HOPX: variants seen among roughly 807,000 people sequenced by gnomAD.
The protein encoded by HOPX is homeodomain-only protein.
Under a neutral mutation model 11.8 loss-of-function variants are expected in HOPX, and 5 were observed. The ratio of observed to expected loss-of-function variants is 0.43; its 90% CI spans 0.22 to 0.89. HOPX has a LOEUF of 0.89. Among genes scored for constraint, HOPX ranks in the 40% least tolerant of loss-of-function variants. HOPX has a pLI of 0.28. For synonymous variants in HOPX, 49 were observed against 49.7 expected (o/e 0.99, Z 0.06); for missense variants, 119 against 120.0 (o/e 0.99, Z 0.04).
At chr4:56,655,476 C>A (rs1232347634) in intron 3 of HOPX, among the ~76,000 whole-genome samples, 1 of 152,166 alleles carries the variant, frequency 6.6e-6, no homozygotes. Flanking sequence ...GCAGACAGAC[C>A]AGAGGGGACC....
At chr4:56,670,420 A>G (rs1718673545) in intron 1 of HOPX, among the ~76,000 whole-genome samples, 2 of 152,238 alleles carry the variant, frequency 1.3e-5, no homozygotes, top group African/African-American at 4.8e-5. Flanking sequence ...AATGTGTACT[A>G]CTAAGCTTGG....
At chr4:56,677,298 T>A (rs1719068689) in intron 1 of HOPX, among the ~76,000 whole-genome samples, 1 of 151,746 alleles carries the variant, frequency 6.6e-6, no homozygotes, top group Non-Finnish European at 1.5e-5. Context: ...AAAATTATAC[T>A]GAAAACCCAC....
At chr4:56,665,394 C>T (rs1343640502) in intron 1 of HOPX, 1 of 152,204 alleles carries the variant, frequency 6.6e-6, no homozygotes, top group East Asian at 1.9e-4. Context: ...TTAATATGTG[C>T]TCATTGGATG....
At position 56,670,611 on chromosome 4, in the gene HOPX, C is replaced by T. The variant is rs955790352; in HGVS notation, c.-84+10644G>A. 7.9e-5 allele frequency among the ~76,000 whole-genome samples: 12 copies of T among 152,082 alleles called. No individual in the cohort carries two copies. In the South Asian group the frequency reaches 1.0e-3, roughly 13 times the overall value. On this transcript the variant is annotated intron_variant, in intron 1 of 3. Coordinates refer to ENST00000420433, the MANE Select transcript of HOPX (RefSeq NM_032495.6). The stretch of plus-strand genomic sequence containing the variant: ...ATTAATTAGATTAATTAGGTCAATA[C>T]GCTGAAGGATAGAGAGATGTATTTG...
At chr4:56,669,321 T>C (rs1343028345) in intron 1 of HOPX, among the ~76,000 whole-genome samples, 1 of 152,206 alleles carries the variant, frequency 6.6e-6, no homozygotes, top group African/African-American at 2.4e-5. Context: ...AGCTTCTTAG[T>C]ATTCAACCTG....
intron 3 of HOPX, chr4:56,650,938 G>T: frequency 1.1e-6 from 1 of 903,876 alleles, no homozygotes; most frequent in Non-Finnish European, 1.6e-6. Flanking sequence ...TCTGGTATGA[G>T]AGCAGCAAGG....
Position 56,672,432 on chromosome 4 carries a change from T to G in HOPX, c.-84+8823A>C, listed in dbSNP as rs530071816. On this transcript the variant is annotated intron_variant, in intron 1 of 3. Transcript: ENST00000420433. ...CACACGCCTGTAATCCCAGCTGCTC[T>G]GGATGCTGAGGGACAAGAATCGCTT... 2.9e-3 allele frequency among the ~76,000 whole-genome samples: 442 copies of G among 151,506 alleles called. 6 individuals are homozygous for G. The highest frequency in any genetic ancestry group is 0.01 in the African/African-American group (418 of 41,154).
At chr4:56,676,620 T>A (rs2109553989) in intron 1 of HOPX, 1 of 151,540 alleles carries the variant, frequency 6.6e-6, no homozygotes, top group Non-Finnish European at 1.5e-5. Flanking sequence ...AGTAGGGGCA[T>A]TAAACTGGTG....
rs147269120 is a variant in HOPX at position 56,678,112 on chromosome 4, T to C, written c.-84+3143A>G. ...GCATGTCTGGGTTCCAAGGATTCGC[T>C]TGGAAGGTGCTGGATACCCTATCCT... On this transcript the variant is annotated intron_variant, in intron 1 of 3. Transcript: ENST00000420433. Among the ~76,000 whole-genome samples, 154 of 151,742 alleles carry C rather than the reference T, an allele frequency of 1.0e-3. 10 individuals are homozygous for C. The highest frequency in any genetic ancestry group is 3.4e-3 in the African/African-American group (138 of 41,012).
At chr4:56,661,614 G>C (rs751801797) in intron 1 of HOPX, among the ~76,000 whole-genome samples, 18 of 152,306 alleles carry the variant, frequency 1.2e-4, no homozygotes, top group Non-Finnish European at 2.1e-4. Context: ...ATCAACACTT[G>C]TACGGTCAAA....
chr4:56,666,320 T>C (rs765947039), intron 1 of HOPX, among the ~76,000 whole-genome samples: 2 of 152,240 alleles, frequency 1.3e-5, no homozygotes, highest in Non-Finnish European at 2.9e-5. Flanking sequence ...AGCTCAGTGA[T>C]GATTGCTGCC....
chr4:56,665,148 G>A (rs1391279813), intron 1 of HOPX: 1 of 152,242 alleles, frequency 6.6e-6, no homozygotes, highest in African/African-American at 2.4e-5. Context: ...GTAGAGATGG[G>A]ATCTCGCTAT....
intron 1 of HOPX, among the ~76,000 whole-genome samples, chr4:56,666,838 G>GT (rs1411201934): frequency 6.6e-6 from 1 of 152,138 alleles, no homozygotes; most frequent in Non-Finnish European, 1.5e-5. Context: ...AAAGAATATT[G>GT]TAAGTGTGTA....
chr4:56,650,661 C>T, intron 3 of HOPX: 1 of 1,551,400 alleles, frequency 6.4e-7, no homozygotes, highest in Non-Finnish European at 8.7e-7. Flanking sequence ...ATCCTTTACA[C>T]AGTTGTCAAG....
At chr4:56,662,395 A>G (rs563163109) in intron 1 of HOPX, 2 of 152,292 alleles carry the variant, frequency 1.3e-5, no homozygotes, top group South Asian at 2.1e-4. Context: ...TATTCTGGCT[A>G]TAGCAGTAAA....
intron 1 of HOPX, among the ~76,000 whole-genome samples, chr4:56,660,070 C>G (rs1560367753): frequency 6.6e-6 from 1 of 152,156 alleles, no homozygotes; most frequent in Non-Finnish European, 1.5e-5. Context: ...GTGATGAGAT[C>G]AGAGTTTAAG....
chr4:56,681,654 T>C (rs1719329190), upstream of HOPX: 1 of 1,000,078 alleles, frequency 1.0e-6, no homozygotes, highest in Admixed American at 6.2e-5. Flanking sequence ...CTTCCTTACT[T>C]TGAGCGAGTT....
chr4:56,657,108 C>T (rs1349258723), intron 2 of HOPX, among the ~76,000 whole-genome samples: 2 of 152,152 alleles, frequency 1.3e-5, no homozygotes, highest in Non-Finnish European at 2.9e-5. Flanking sequence ...TGGGTTCTCT[C>T]CATACCTACG....
chr4:56,677,485 C>A (rs1388281553), intron 1 of HOPX, among the ~76,000 whole-genome samples: 1 of 151,628 alleles, frequency 6.6e-6, no homozygotes, highest in Non-Finnish European at 1.5e-5. Flanking sequence ...ACTTACTATA[C>A]CAGGGAGTGA....
Sources: gnomAD v4.1 joint callset for allele counts (sites outside exome capture counted in the v4.1 genomes callset) on GRCh38, gnomAD v4.1.1 for gene constraint, MANE v1.5 for transcripts, NCBI Gene and HGNC (gene_info 2026-07-23, HGNC 2026-07-21) for gene names.